ZDHHC16: variants seen among roughly 807,000 people sequenced by gnomAD.
ZDHHC16 encodes the protein palmitoyltransferase ZDHHC16.
Under a neutral mutation model 54.4 loss-of-function variants are expected in ZDHHC16, and 33 were observed. The observed-to-expected ratio is 0.61, with a 90% CI of 0.46 to 0.81. The LOEUF (loss-of-function observed/expected upper bound fraction) is 0.81. Ranked by LOEUF, ZDHHC16 falls within the 30% of genes least tolerant of loss-of-function variation. ZDHHC16 has a pLI of 0.00. For synonymous variants in ZDHHC16, 185 were observed against 182.1 expected (o/e 1.02, Z -0.13); for missense variants, 420 against 485.9 (o/e 0.86, Z 1.28).
Position 97,452,507 on chromosome 10 carries a change from G to A in ZDHHC16, c.527+4G>A, listed in dbSNP as rs567955437. Reference sequence around the variant, plus strand: ...ACCACTGCAGCATCTGCAACAGGTGGGTCTTGGCTTTGCTCTCTGGGAATC... The same window carrying A: ...ACCACTGCAGCATCTGCAACAGGTGAGTCTTGGCTTTGCTCTCTGGGAATC... On this transcript the variant is annotated splice_donor_region_variant and intron_variant, in intron 5 of 11. Transcript: ENST00000393760. 15 of 1,613,336 alleles carry A rather than the reference G, an allele frequency of 9.3e-6. No individual in the cohort carries two copies. In the East Asian group the frequency reaches 3.1e-4, roughly 34 times the overall value.
chr10:97,452,900 T>C lies in ZDHHC16; in HGVS notation c.533T>C (p.Val178Ala), dbSNP rs772792856. The change falls in exon 6 of 12, where the codon GTG becomes GCG. Residue 178 changes from valine (V) to alanine (A), a missense_variant. Physicochemically the swap from Val to Ala is moderately conservative, Grantham distance 64. Transcript: ENST00000393760. ...CCTGTGTCCCTTCCTCACAGGTGTGTGCTGAAGATGGATCACCACTGCCGT... is the reference window on the plus strand; with the variant it reads ...CCTGTGTCCCTTCCTCACAGGTGTGCGCTGAAGATGGATCACCACTGCCGT... ...THHCSICNRC[V>A]LKMDHHCPWL... 6.8e-6 allele frequency: 11 copies of C among 1,614,232 alleles called. No individual in the cohort carries two copies. The highest frequency in any genetic ancestry group is 9.3e-6 in the Non-Finnish European group (11 of 1,180,044).
chr10:97,450,122 C>T (rs1010725288), intron 1 of ZDHHC16, among the ~76,000 whole-genome samples: 3 of 151,894 alleles, frequency 2.0e-5, no homozygotes, highest in Admixed American at 6.6e-5. Context: ...CCACCCGCCT[C>T]GGCCTCCCAA....
rs1296938803 is a variant in ZDHHC16 at position 97,452,921 on chromosome 10, G to T, written c.554G>T (p.Cys185Phe). The T allele has an allele frequency of 6.2e-7, 1 of 1,614,212 alleles. No homozygotes were observed. Among genetic ancestry groups the T allele is most frequent in the Non-Finnish European group, 8.5e-7 (1 of 1,180,038 alleles). ...TGTGTGCTGAAGATGGATCACCACT[G>T]CCGTATCCTTTTGCTTTCTCTTCTG... is the stretch of plus-strand genomic sequence containing the variant. ...NRCVLKMDHH[C>F]PWLNNCVGHY... The change falls in exon 6 of 12, where the codon TGC becomes TTC. Residue 185 changes from cysteine to phenylalanine, a missense_variant and splice_region_variant. Physicochemically the swap from Cys to Phe is radical, Grantham distance 205. Coordinates refer to ENST00000393760, the MANE Select transcript of ZDHHC16 (RefSeq NM_198046.3).
chr10:97,451,083 TATCTTTTGCCAAGACTTAAATAGC>T (rs1846564013), intron 2 of ZDHHC16: 1 of 152,258 alleles, frequency 6.6e-6, no homozygotes, highest in Non-Finnish European at 1.5e-5. Context: ...GGAAGAAGAG[TATCTTTTGCCAAGACTTAAATAGC>T]ACCAGGAAAT....
intron 5 of ZDHHC16, 128 bp downstream of exon 5, chr10:97,452,631 TCTC>T (rs1437862569): frequency 3.7e-6 from 4 of 1,067,046 alleles, no homozygotes; most frequent in African/African-American, 3.3e-5. Context: ...TGTGCCCTCT[TCTC>T]CTGACACCTC....
intron 6 of ZDHHC16, 91 bp downstream of exon 6, chr10:97,453,014 A>G: frequency 1.9e-6 from 3 of 1,544,526 alleles, no homozygotes; most frequent in African/African-American, 2.7e-5. Flanking sequence ...ATCACCGTGC[A>G]GAGAACACTG....
At chr10:97,447,973 T>C (rs980407384) in intron 1 of ZDHHC16, among the ~76,000 whole-genome samples, 3 of 151,684 alleles carry the variant, frequency 2.0e-5, no homozygotes, top group African/African-American at 4.8e-5. Context: ...GCCCACTTAC[T>C]ACATATGTAA....
chr10:97,448,815 G>T (rs910443622), intron 1 of ZDHHC16, among the ~76,000 whole-genome samples: 2 of 152,164 alleles, frequency 1.3e-5, no homozygotes, highest in Non-Finnish European at 2.9e-5. Flanking sequence ...GGTATTATGA[G>T]TAATCTAGAA....
chr10:97,454,822 A>C (rs1847009528), intron 9 of ZDHHC16, 23 bp downstream of exon 9: 1 of 1,610,132 alleles, frequency 6.2e-7, no homozygotes, highest in Non-Finnish European at 8.5e-7. Flanking sequence ...GATAGTTTTA[A>C]GGGAGGGGAA....
Position 97,452,943 on chromosome 10 carries a change from TCTGC to T in ZDHHC16, c.556+24_556+27del, listed in dbSNP as rs749074835. 4 of 1,614,244 alleles carry T rather than the reference TCTGC, an allele frequency of 2.5e-6. No individual in the cohort carries two copies. The highest frequency in any genetic ancestry group is 1.7e-5 in the Admixed American group (1 of 60,026). ...ACTGCCGTATCCTTTTGCTTTCTCT[TCTGC>T]CTGAGGCCTTCTTTAGCTCCAGAGC... is the stretch of plus-strand genomic sequence containing the variant. On this transcript the variant is annotated intron_variant, in intron 6 of 11. Coordinates refer to ENST00000393760, the MANE Select transcript of ZDHHC16 (RefSeq NM_198046.3).
chr10:97,454,259 A>G (rs988074586), intron 8 of ZDHHC16, among the ~76,000 whole-genome samples: 1 of 152,126 alleles, frequency 6.6e-6, no homozygotes, highest in African/African-American at 2.4e-5. Flanking sequence ...AGGACTCCCT[A>G]ATCTGCTGAG....
chr10:97,453,696 T>G (rs368982566), intron 7 of ZDHHC16, 33 bp downstream of exon 7: 8 of 1,613,996 alleles, frequency 5.0e-6, no homozygotes, highest in African/African-American at 1.3e-5. Flanking sequence ...AGCTCAGTAG[T>G]GCAGAACTTC....
chr10:97,452,840 C>T (rs1846773173), intron 5 of ZDHHC16, 55 bp from the exon 6 acceptor site: 4 of 1,612,926 alleles, frequency 2.5e-6, no homozygotes, highest in South Asian at 1.1e-5. Context: ...AGGATTGGCA[C>T]TGACATCTCA....
intron 3 of ZDHHC16, 62 bp from the exon 4 acceptor site, chr10:97,452,028 T>C: frequency 6.2e-7 from 1 of 1,605,208 alleles, no homozygotes; most frequent in Non-Finnish European, 8.5e-7. Context: ...CCAGGGAAAC[T>C]CCGAGTCTCC....
In ZDHHC16 at chr10:97,451,817, T is replaced by A. The variant is rs771594958; in HGVS notation, c.142T>A (p.Ser48Thr). ...GCGCTACGGCAAGGTCTGCCTGCGCTCCCTGCTCTACAACTCCTTTGGGGG... is the reference window on the plus strand; with the variant it reads ...GCGCTACGGCAAGGTCTGCCTGCGCACCCTGCTCTACAACTCCTTTGGGGG... ...RWRYGKVCLRSLLYNSFGGSD... is the reference protein window; with the variant it reads ...RWRYGKVCLRTLLYNSFGGSD... The change falls in exon 3 of 12, where the codon TCC (serine) becomes ACC (threonine). Residue 48 changes from serine (S) to threonine (T), a missense_variant. Coordinates refer to ENST00000393760, the MANE Select transcript of ZDHHC16 (RefSeq NM_198046.3). 9.3e-6 allele frequency: 15 copies of A among 1,614,092 alleles called. No individual in the cohort carries two copies. In the African/African-American group the frequency reaches 1.6e-4, roughly 17 times the overall value.
In ZDHHC16 at chr10:97,455,955, A is replaced by G. The variant is rs1196825754; in HGVS notation, c.949-19A>G. The G allele has an allele frequency of 6.2e-7, 1 of 1,613,746 alleles. No homozygotes were observed. Among genetic ancestry groups the G allele is most frequent in the African/African-American group, 1.3e-5 (1 of 74,932 alleles). On this transcript the variant is annotated intron_variant, in intron 10 of 11. Coordinates refer to ENST00000393760, the MANE Select transcript of ZDHHC16 (RefSeq NM_198046.3). ...TGAAAAATTAGAAGTTCAAAGAAAC[A>G]TGTTTTTCTTGGCTCCAGGTATTTA...
rs778436748 is a variant in ZDHHC16, at chr10:97,453,806, A to C, written c.698A>C (p.Lys233Thr). 1 of 1,614,224 alleles carries C rather than the reference A, an allele frequency of 6.2e-7. No homozygotes were observed. The highest frequency in any genetic ancestry group is 1.1e-5 in the South Asian group (1 of 91,092). ...REAYAAIEKMKQLDKNKLQAV... is the reference protein window; with the variant it reads ...REAYAAIEKMTQLDKNKLQAV... The stretch of plus-strand genomic sequence containing the variant: ...TGTTTTCCGTCCCCTTAGAAAATGA[A>C]ACAGCTCGACAAGAACAAACTACAG... The change falls in exon 8 of 12, where the codon AAA becomes ACA. Residue 233 changes from lysine (K) to threonine (T), a missense_variant. By Grantham distance (78) the Lys-to-Thr change is moderately conservative. Coordinates refer to ENST00000393760, the MANE Select transcript of ZDHHC16 (RefSeq NM_198046.3).
chr10:97,455,421 T>C (rs1395039699), intron 9 of ZDHHC16, among the ~76,000 whole-genome samples: 1 of 152,198 alleles, frequency 6.6e-6, no homozygotes, highest in Admixed American at 6.5e-5. Context: ...CTGGGACTAC[T>C]AGGCATGAGC....
chr10:97,453,488 G>A (rs1360510130), intron 6 of ZDHHC16, 42 bp from the exon 7 acceptor site: 1 of 1,604,950 alleles, frequency 6.2e-7, no homozygotes, highest in Non-Finnish European at 8.5e-7. Flanking sequence ...GACACCGCCT[G>A]AAATTGTGTT....
Sources: allele counts gnomAD v4.1 joint callset (sites outside exome capture counted in the v4.1 genomes callset), GRCh38; gene constraint gnomAD v4.1.1; transcripts MANE v1.5; gene names NCBI Gene and HGNC (gene_info 2026-07-23, HGNC 2026-07-21).